NRXN1: variants seen among roughly 807,000 people sequenced by gnomAD.
NRXN1 encodes neurexin 1, also known as neurexin-1.
Under a neutral mutation model 150.9 loss-of-function variants are expected in NRXN1, and 39 were observed. The observed-to-expected ratio is 0.26, with a 90% confidence interval of 0.20 to 0.34. The LOEUF (loss-of-function observed/expected upper bound fraction) is 0.34, where lower values mean the gene tolerates loss of function less well. Among genes scored for constraint, NRXN1 ranks in the 10% least tolerant of loss-of-function variants. The probability of loss-of-function intolerance (pLI) is 1.00; values close to 1 mark genes in which losing one functional copy is unlikely to be tolerated. For missense variants in NRXN1, 1,815 were observed against 1,949.9 expected, an observed-to-expected ratio of 0.93 and a Z score of 1.30; for synonymous variants, 924 against 757.0, an observed-to-expected ratio of 1.22 and a Z score of -3.62.
chr2:50,075,419 A>G (rs1423677086), intron 19 of NRXN1, among the ~76,000 whole-genome samples: 3 of 152,242 alleles, frequency 2.0e-5, no homozygotes, highest in Admixed American at 2.0e-4. Context: ...GCCTTAGATC[A>G]TTAAAATAAT....
chr2:50,811,619 A>G (rs1320859771), intron 5 of NRXN1, among the ~76,000 whole-genome samples: 2 of 152,214 alleles, frequency 1.3e-5, no homozygotes, highest in Non-Finnish European at 2.9e-5. Flanking sequence ...ATTATCCTAG[A>G]CAAGTAGCAG....
At position 50,433,977 on chromosome 2, in the gene NRXN1, G is replaced by A. The variant is rs1572955667; in HGVS notation, c.3364+31465C>T. Among the ~76,000 whole-genome samples the A allele has an allele frequency of 3.3e-5, 5 of 149,962 alleles. No individual in the cohort carries two copies. In the East Asian group the frequency reaches 9.9e-4, roughly 30 times the overall value. On this transcript the variant is annotated intron_variant, in intron 17 of 22. Coordinates refer to ENST00000401669, the MANE Select transcript of NRXN1 (RefSeq NM_001330078.2). ...CCTGACAATATTTATGTTTCACTTA[G>A]GTTCTGACTTTCACATTAAACACTG...
At chr2:50,829,950 C>T (rs1671153622) in intron 5 of NRXN1, among the ~76,000 whole-genome samples, 1 of 128,508 alleles carries the variant, frequency 7.8e-6, no homozygotes, top group Non-Finnish European at 1.6e-5. Flanking sequence ...TTCTGTTCTA[C>T]TTGCTATCAG....
intron 9 of NRXN1, among the ~76,000 whole-genome samples, chr2:50,551,050 G>GGAAGAGGAAGAAGAA (rs1335681510): frequency 2.7e-4 from 21 of 78,998 alleles, no homozygotes; most frequent in African/African-American, 1.3e-3. Flanking sequence ...AAGAGGAAGA[G>GGAAGAGGAAGAAGAA]GAAGAAGAAG....
chr2:50,791,704 C>A (rs373327044), intron 5 of NRXN1, among the ~76,000 whole-genome samples: 43 of 152,260 alleles, frequency 2.8e-4, no homozygotes, highest in African/African-American at 9.9e-4. Context: ...CGCAATTATA[C>A]TCCCTGGCTG....
chr2:50,435,740 G>C (rs2085363739), intron 17 of NRXN1, among the ~76,000 whole-genome samples: 1 of 152,080 alleles, frequency 6.6e-6, no homozygotes. Context: ...CTATCAAGTG[G>C]GAGCTAAACA....
chr2:51,026,938 C>G (rs764591905), intron 2 of NRXN1, among the ~76,000 whole-genome samples: 4 of 152,200 alleles, frequency 2.6e-5, no homozygotes, highest in Non-Finnish European at 5.9e-5. Flanking sequence ...TTTTACCGCT[C>G]TATCTGCAAA....
At position 50,636,560 on chromosome 2, in the gene NRXN1, C is replaced by T. The variant is rs114888066; in HGVS notation, c.833-12945G>A. Among the ~76,000 whole-genome samples, 321 of 152,312 alleles carry T rather than the reference C, an allele frequency of 2.1e-3. 1 individual carries two copies. The highest frequency in any genetic ancestry group is 7.0e-3 in the African/African-American group (290 of 41,578). ...TCAATTGCTCTCCTGCTGTCAAAATCAGGCAACATGCTAGAGTTAAAATGT... is the reference window on the plus strand; with the variant it reads ...TCAATTGCTCTCCTGCTGTCAAAATTAGGCAACATGCTAGAGTTAAAATGT... On this transcript the variant is annotated intron_variant, in intron 5 of 22. Transcript: ENST00000401669.
In NRXN1 at chr2:51,011,332, A is replaced by G. The variant is rs1667827452; in HGVS notation, c.772+16170T>C. On this transcript the variant is annotated intron_variant, in intron 2 of 22. Transcript: ENST00000401669. ...AGACTCTGGTAGCTCTTACGTATAT[A>G]AAAGGTGTAAGTGCTCCCCTGGGGA... Among the ~76,000 whole-genome samples, 4 of 152,124 alleles carry G rather than the reference A, an allele frequency of 2.6e-5. No homozygotes were observed. In the East Asian group the frequency reaches 7.8e-4, roughly 30 times the overall value.
intron 18 of NRXN1, among the ~76,000 whole-genome samples, chr2:50,198,046 A>C (rs12466807): frequency 0.23 from 35,339 of 151,976 alleles, 4,965 homozygotes; most frequent in East Asian, 0.4. Flanking sequence ...TGTTTAATTG[A>C]CTACCTTCCC....
intron 5 of NRXN1, among the ~76,000 whole-genome samples, chr2:50,786,571 G>A (rs1705145374): frequency 6.6e-6 from 1 of 152,074 alleles, no homozygotes; most frequent in East Asian, 1.9e-4. Flanking sequence ...AAGATTATAG[G>A]ATTTAGACAG....
chr2:51,028,399 G>T lies in NRXN1; in HGVS notation c.-126C>A. The T allele has an allele frequency of 1.8e-6, 1 of 569,292 alleles. No homozygotes were observed. The highest frequency in any genetic ancestry group is 3.6e-5 in the South Asian group (1 of 27,752). 35.3% of individuals were successfully genotyped at this position (569,292 alleles called of 1,614,324 possible). ...TAAGGGGAAAGGCGGGAGTGAGAGGGATGTGCCCTCCTTTATCTAGTTCTT... is the reference window on the plus strand; with the variant it reads ...TAAGGGGAAAGGCGGGAGTGAGAGGTATGTGCCCTCCTTTATCTAGTTCTT... On this transcript the variant is annotated 5_prime_UTR_variant, in exon 2 of 23. Coordinates refer to ENST00000401669, the MANE Select transcript of NRXN1 (RefSeq NM_001330078.2).
At chr2:50,255,067 G>A (rs567221665) in intron 17 of NRXN1, among the ~76,000 whole-genome samples, 3 of 152,116 alleles carry the variant, frequency 2.0e-5, no homozygotes, top group East Asian at 1.9e-4. Context: ...CTTGGCCTAC[G>A]AAAGTGCTGG....
chr2:50,960,761 C>T (rs1325049672), intron 2 of NRXN1, among the ~76,000 whole-genome samples: 1 of 151,872 alleles, frequency 6.6e-6, no homozygotes, highest in East Asian at 1.9e-4. Context: ...CTCTTCTACC[C>T]TGTATGTTAG....
intron 21 of NRXN1, among the ~76,000 whole-genome samples, chr2:50,032,412 A>C (rs1399589654): frequency 6.6e-6 from 1 of 152,088 alleles, no homozygotes; most frequent in Non-Finnish European, 1.5e-5. Flanking sequence ...TTTTGTCATA[A>C]AGTAGAAAAT....
chr2:50,604,565 C>T (rs1461626560), intron 8 of NRXN1, among the ~76,000 whole-genome samples: 1 of 152,164 alleles, frequency 6.6e-6, no homozygotes, highest in Admixed American at 6.6e-5. Context: ...TTATTTTACA[C>T]CTGCACCTTT....
intron 21 of NRXN1, among the ~76,000 whole-genome samples, chr2:49,956,142 CCAAT>C (rs1333024469): frequency 6.6e-6 from 1 of 152,048 alleles, no homozygotes; most frequent in African/African-American, 2.4e-5. Context: ...AAATATCTGG[CCAAT>C]CAGTCAGAAA....
At chr2:50,597,203 G>C (rs1027010930) in intron 8 of NRXN1, among the ~76,000 whole-genome samples, 1 of 152,030 alleles carries the variant, frequency 6.6e-6, no homozygotes, top group African/African-American at 2.4e-5. Context: ...GAGGGACATG[G>C]CTCTGTCTTA....
chr2:50,803,808 A>G (rs1361838502), intron 5 of NRXN1, among the ~76,000 whole-genome samples: 2 of 152,162 alleles, frequency 1.3e-5, no homozygotes, highest in African/African-American at 4.8e-5. Context: ...TTCTATGCTT[A>G]AGAATTATTT....
Sources: allele counts gnomAD v4.1 joint callset (sites outside exome capture counted in the v4.1 genomes callset), GRCh38; gene constraint gnomAD v4.1.1; transcripts MANE v1.5; gene names NCBI Gene and HGNC (gene_info 2026-07-23, HGNC 2026-07-21).